The following PINX1 variants were observed in gnomAD, a reference collection of about 807,000 sequenced individuals.
PINX1 encodes the protein PIN2/TERF1-interacting telomerase inhibitor 1.
In PINX1, 34 loss-of-function variants were observed where a neutral mutation model predicts 25.4. That is an observed-to-expected ratio of 1.34 (90% CI 1.02 to 1.78). The LOEUF (loss-of-function observed/expected upper bound fraction) is 1.78. Ranked by LOEUF, PINX1 falls within the 40% of genes most tolerant of loss-of-function variation. PINX1 has a pLI of 0.00. For synonymous variants in PINX1, 197 were observed against 147.7 expected, an observed-to-expected ratio of 1.33 and a Z score of -2.42; for missense variants, 592 against 404.9, an observed-to-expected ratio of 1.46 and a Z score of -3.97.
chr8:10,810,070 T>C (rs1353147985), intron 6 of PINX1, among the ~76,000 whole-genome samples: 1 of 152,144 alleles, frequency 6.6e-6, no homozygotes, highest in Non-Finnish European at 1.5e-5. Context: ...CCAGGTCTCG[T>C]GTGAACTCAG....
chr8:10,806,573 C>T (rs1480887216), intron 6 of PINX1, among the ~76,000 whole-genome samples: 1 of 152,130 alleles, frequency 6.6e-6, no homozygotes, highest in African/African-American at 2.4e-5. Context: ...AAAGGGTTTT[C>T]TCTTAGTCTT....
chr8:10,822,713 G>A (rs545831552), intron 5 of PINX1, among the ~76,000 whole-genome samples: 1 of 152,072 alleles, frequency 6.6e-6, no homozygotes, highest in Non-Finnish European at 1.5e-5. Context: ...CGAGAACTTA[G>A]GAATCAAGAT....
chr8:10,819,089 C>T (rs1438627135), intron 6 of PINX1, among the ~76,000 whole-genome samples: 1 of 152,202 alleles, frequency 6.6e-6, no homozygotes, highest in Non-Finnish European at 1.5e-5. Flanking sequence ...TCAGCATAGT[C>T]CGCGCAGGCA....
chr8:10,771,894 G>C (rs760795612), intron 6 of PINX1, among the ~76,000 whole-genome samples: 1 of 152,182 alleles, frequency 6.6e-6, no homozygotes, highest in Non-Finnish European at 1.5e-5. Context: ...TCTGAGTGTC[G>C]TCTGCTGTCA....
chr8:10,825,157 G>A lies in PINX1; in HGVS notation c.394+995C>T, dbSNP rs1203772402. Among the ~76,000 whole-genome samples, 6 of 152,158 alleles carry A rather than the reference G, an allele frequency of 3.9e-5. No homozygotes were observed. In the South Asian group the frequency reaches 1.2e-3, roughly 32 times the overall value. ...ACCCAGCCCTCACTTTTGGGCTCCTGGCCCTAAATGAAAAGCATCATCAAT... is the reference window on the plus strand; with the variant it reads ...ACCCAGCCCTCACTTTTGGGCTCCTAGCCCTAAATGAAAAGCATCATCAAT... On this transcript the variant is annotated intron_variant, in intron 5 of 6. Transcript: ENST00000314787.
intron 5 of PINX1, 40 bp downstream of exon 5, chr8:10,826,112 C>G: frequency 1.7e-6 from 2 of 1,147,080 alleles, no homozygotes; most frequent in Non-Finnish European, 2.6e-6. Context: ...AGGACAAACA[C>G]GTAGATTTCA....
At chr8:10,801,815 A>T (rs904110674) in intron 6 of PINX1, among the ~76,000 whole-genome samples, 1 of 152,202 alleles carries the variant, frequency 6.6e-6, no homozygotes, top group Non-Finnish European at 1.5e-5. Flanking sequence ...AAGAATCCAG[A>T]CTGCCAGGAG....
At chr8:10,766,906 G>C (rs902231529) in intron 6 of PINX1, among the ~76,000 whole-genome samples, 1 of 152,208 alleles carries the variant, frequency 6.6e-6, no homozygotes, top group Non-Finnish European at 1.5e-5. Context: ...AGTAAGGTGA[G>C]GAGGAGTGCC....
chr8:10,784,030 CCCT>C (rs1801672410), intron 6 of PINX1, among the ~76,000 whole-genome samples: 1 of 152,116 alleles, frequency 6.6e-6, no homozygotes, highest in South Asian at 2.1e-4. Flanking sequence ...TTGTAAGAAT[CCCT>C]ATAAAGAGTC....
chr8:10,839,671 C>A (rs1479540134), intron 1 of PINX1, 67 bp downstream of exon 1: 3 of 1,515,546 alleles, frequency 2.0e-6, no homozygotes, highest in East Asian at 4.8e-5. Context: ...CCACTCCGGG[C>A]TGCCGTGCGC....
intron 2 of PINX1, among the ~76,000 whole-genome samples, chr8:10,833,259 G>A (rs2409649): frequency 0.4 from 60,943 of 152,064 alleles, 14,229 homozygotes; most frequent in African/African-American, 0.65. Flanking sequence ...GGCACCCAGG[G>A]TGGCTTCTGC....
intron 1 of PINX1, among the ~76,000 whole-genome samples, chr8:10,837,629 C>T (rs966265547): frequency 6.6e-6 from 1 of 152,182 alleles, no homozygotes; most frequent in Admixed American, 6.6e-5. Flanking sequence ...TTTAACCATC[C>T]TCTAGCAGGT....
chr8:10,817,494 T>C lies in PINX1; in HGVS notation c.471+2699A>G, dbSNP rs78955608. The stretch of plus-strand genomic sequence containing the variant: ...CCTCAATAAAAGCAAACTTAACATA[T>C]GAACATCCACAAGGATGTCAAAGAT... On this transcript the variant is annotated intron_variant, in intron 6 of 6. Transcript: ENST00000314787. Among the ~76,000 whole-genome samples the C allele has an allele frequency of 8.1e-3, 1,227 of 152,332 alleles. 16 individuals carry two copies. Among genetic ancestry groups the C allele is most frequent in the African/African-American group, 0.028 (1,161 of 41,582 alleles).
At chr8:10,780,961 A>G (rs1454414139) in intron 6 of PINX1, among the ~76,000 whole-genome samples, 1 of 152,218 alleles carries the variant, frequency 6.6e-6, no homozygotes, top group Non-Finnish European at 1.5e-5. Context: ...TTATATTACA[A>G]GCTATAGTAA....
intron 6 of PINX1, among the ~76,000 whole-genome samples, chr8:10,812,006 A>C (rs1160155456): frequency 6.6e-6 from 1 of 152,156 alleles, no homozygotes; most frequent in Non-Finnish European, 1.5e-5. Context: ...TGCTACACAA[A>C]CAAGTAACTC....
intron 6 of PINX1, among the ~76,000 whole-genome samples, chr8:10,790,135 T>A (rs929301011): frequency 1.3e-5 from 2 of 151,880 alleles, no homozygotes; most frequent in African/African-American, 4.8e-5. Context: ...CCCTTTCCCT[T>A]CCAGAAGGTC....
chr8:10,835,079 C>T (rs1172452531), intron 1 of PINX1, among the ~76,000 whole-genome samples: 3 of 152,222 alleles, frequency 2.0e-5, no homozygotes, highest in Admixed American at 2.0e-4. Context: ...ACTCCGCCAT[C>T]AGCACAACTG....
At chr8:10,826,478 C>T (rs17152576) in intron 4 of PINX1, among the ~76,000 whole-genome samples, 50,336 of 152,122 alleles carry the variant, frequency 0.33, 8,825 homozygotes, top group African/African-American at 0.44. Context: ...GCCAGGCTGC[C>T]CTCCAGAAAT....
At chr8:10,817,966 A>C (rs1797751709) in intron 6 of PINX1, among the ~76,000 whole-genome samples, 1 of 152,232 alleles carries the variant, frequency 6.6e-6, no homozygotes, top group Non-Finnish European at 1.5e-5. Context: ...CTCCTTTTGT[A>C]ATATAGATAC....
Sources: allele counts gnomAD v4.1 joint callset (sites outside exome capture counted in the v4.1 genomes callset), GRCh38; gene constraint gnomAD v4.1.1; transcripts MANE v1.5; gene names NCBI Gene and HGNC (gene_info 2026-07-23, HGNC 2026-07-21).